Variants in CDIN1 observed in about 807,000 individuals in gnomAD.
CDIN1 encodes the protein CDAN1-interacting nuclease 1.
A neutral mutation model predicts 45.3 loss-of-function variants in CDIN1; 33 were observed. The ratio of observed to expected loss-of-function variants is 0.73; its 90% CI spans 0.55 to 0.97. The LOEUF is 0.97. Ranked by LOEUF, CDIN1 falls within the 50% of genes least tolerant of loss-of-function variation. CDIN1 has a pLI of 0.00. For missense variants in CDIN1, 303 were observed against 339.4 expected, an observed-to-expected ratio of 0.89 and a Z score of 0.84; for synonymous variants, 118 against 124.4, an observed-to-expected ratio of 0.95 and a Z score of 0.34.
intron 3 of CDIN1, among the ~76,000 whole-genome samples, chr15:36,647,307 G>A (rs2040374438): frequency 6.6e-6 from 1 of 152,148 alleles, no homozygotes. Flanking sequence ...TTACACGCCT[G>A]AGCCACTGTG....
chr15:36,602,622 G>A (rs2038160231), intron 1 of CDIN1, among the ~76,000 whole-genome samples: 1 of 152,228 alleles, frequency 6.6e-6, no homozygotes, highest in Non-Finnish European at 1.5e-5. Context: ...GATGTGAGAT[G>A]TGACTGTGAA....
chr15:36,651,932 A>G (rs559664415), intron 3 of CDIN1, among the ~76,000 whole-genome samples: 1 of 152,366 alleles, frequency 6.6e-6, no homozygotes, highest in South Asian at 2.1e-4. Context: ...TTCACTGGTC[A>G]TTAGCAGGAT....
chr15:36,792,961 C>A (rs1272624491), intron 10 of CDIN1, among the ~76,000 whole-genome samples: 1 of 152,150 alleles, frequency 6.6e-6, no homozygotes, highest in Non-Finnish European at 1.5e-5. Flanking sequence ...CCTGAACTTT[C>A]CTGCACCGTC....
chr15:36,749,911 G>A (rs74008765), intron 10 of CDIN1, among the ~76,000 whole-genome samples: 3,394 of 152,268 alleles, frequency 0.022, 117 homozygotes, highest in African/African-American at 0.078. Context: ...CAGGTCCCCC[G>A]ACCTTTTGGC....
At chr15:36,681,719 G>C (rs11633125) in intron 5 of CDIN1, among the ~76,000 whole-genome samples, 3 of 152,034 alleles carry the variant, frequency 2.0e-5, no homozygotes, top group Admixed American at 2.0e-4. Flanking sequence ...TATAAGTAAC[G>C]GTAGATCCCG....
At chr15:36,781,370 T>A (rs1188832456) in intron 10 of CDIN1, among the ~76,000 whole-genome samples, 1 of 152,208 alleles carries the variant, frequency 6.6e-6, no homozygotes, top group African/African-American at 2.4e-5. Flanking sequence ...CCTTTTCATT[T>A]ACAGATGAGG....
intron 1 of CDIN1, among the ~76,000 whole-genome samples, chr15:36,622,200 T>C (rs1647716433): frequency 6.6e-6 from 1 of 152,202 alleles, no homozygotes; most frequent in East Asian, 1.9e-4. Context: ...TGTTCTTTAA[T>C]GGTAAAAGTT....
chr15:36,645,494 TTGTGTGTGTGTGTGTG>T (rs57349735), intron 3 of CDIN1, among the ~76,000 whole-genome samples: 1 of 143,472 alleles, frequency 7.0e-6, no homozygotes, highest in African/African-American at 2.6e-5. Flanking sequence ...CTGTCTTGAC[TTGTGTGTGTGTGTGTG>T]TGTGTGTGTG....
rs1322675309 is a variant in CDIN1, at chr15:36,579,926, G to T, written c.66G>T (p.Arg22Ser). ...GCCTAGTGTCTGTGCCGCCTACCAGGCAGAGCCTGAGGAAGCTGAAGCAGA... is the reference window on the plus strand; with the variant it reads ...GCCTAGTGTCTGTGCCGCCTACCAGTCAGAGCCTGAGGAAGCTGAAGCAGA... ...AQCLVSVPPT[R>S]QSLRKLKQRF... Residue 22 changes from arginine to serine, a missense_variant, in exon 1 of 11, where the codon AGG becomes AGT. By Grantham distance (110) the Arg-to-Ser change is moderately radical. Transcript: ENST00000566621. The T allele has an allele frequency of 6.2e-7, 1 of 1,613,886 alleles. No homozygotes were observed. The highest frequency in any genetic ancestry group is 1.1e-5 in the South Asian group (1 of 91,036).
At chr15:36,806,974 G>A (rs1466772356) in intron 10 of CDIN1, among the ~76,000 whole-genome samples, 1 of 152,090 alleles carries the variant, frequency 6.6e-6, no homozygotes, top group Non-Finnish European at 1.5e-5. Flanking sequence ...AAATCTCAGT[G>A]GGCCTGGTGC....
intron 10 of CDIN1, among the ~76,000 whole-genome samples, chr15:36,724,202 A>C (rs936373757): frequency 6.6e-6 from 1 of 152,186 alleles, no homozygotes; most frequent in Non-Finnish European, 1.5e-5. Context: ...AGCAGTGCTT[A>C]GATTGAATAG....
At chr15:36,683,085 G>A (rs1213533240) in intron 5 of CDIN1, among the ~76,000 whole-genome samples, 2 of 152,156 alleles carry the variant, frequency 1.3e-5, no homozygotes, top group East Asian at 3.8e-4. Context: ...CAACAAAGAT[G>A]TTACTGATAA....
chr15:36,645,494 TTGTGTGTGTGTGTG>T (rs57349735), intron 3 of CDIN1, among the ~76,000 whole-genome samples: 24 of 143,472 alleles, frequency 1.7e-4, no homozygotes, highest in South Asian at 1.6e-3. Context: ...CTGTCTTGAC[TTGTGTGTGTGTGTG>T]TGTGTGTGTG....
At chr15:36,760,608 A>G (rs1053736370) in intron 10 of CDIN1, among the ~76,000 whole-genome samples, 2 of 152,196 alleles carry the variant, frequency 1.3e-5, no homozygotes, top group Admixed American at 6.5e-5. Context: ...TTCCACAGAA[A>G]TTTTAAGTGT....
intron 5 of CDIN1, among the ~76,000 whole-genome samples, chr15:36,671,768 C>T (rs1318014828): frequency 6.6e-6 from 1 of 152,100 alleles, no homozygotes; most frequent in African/African-American, 2.4e-5. Flanking sequence ...TTTTTAGGTA[C>T]TGTTCCTCTT....
At chr15:36,612,859 A>T (rs2038713856) in intron 1 of CDIN1, among the ~76,000 whole-genome samples, 1 of 152,184 alleles carries the variant, frequency 6.6e-6, no homozygotes, top group Admixed American at 6.5e-5. Flanking sequence ...CTGGACATAA[A>T]CATCTTTTCC....
intron 10 of CDIN1, among the ~76,000 whole-genome samples, chr15:36,766,785 A>C (rs141144731): frequency 4.5e-4 from 68 of 152,168 alleles, no homozygotes; most frequent in African/African-American, 1.6e-3. Context: ...TTTTCTTGTT[A>C]TTTGATTTTG....
chr15:36,648,545 C>T (rs1441998184), intron 3 of CDIN1: 3 of 149,884 alleles, frequency 2.0e-5, no homozygotes, highest in African/African-American at 7.4e-5. Flanking sequence ...CACTCTCCTG[C>T]CTCAGCCTCC....
At chr15:36,800,183 A>G (rs2141123037) in intron 10 of CDIN1, among the ~76,000 whole-genome samples, 1 of 152,306 alleles carries the variant, frequency 6.6e-6, no homozygotes, top group Non-Finnish European at 1.5e-5. Context: ...TCAAAATTAT[A>G]GAAAGTTGTT....
Sources: gnomAD v4.1 joint callset for allele counts (sites outside exome capture counted in the v4.1 genomes callset) on GRCh38, gnomAD v4.1.1 for gene constraint, MANE v1.5 for transcripts, NCBI Gene and HGNC (gene_info 2026-07-23, HGNC 2026-07-21) for gene names.